The following ABCD3 variants were observed in gnomAD, a reference collection of about 807,000 sequenced individuals.
ABCD3 encodes the protein ATP-binding cassette sub-family D member 3.
ABCD3 carries 41 observed loss-of-function variants against 105.5 expected under a neutral mutation model. The observed-to-expected ratio is 0.39, with a 90% CI of 0.30 to 0.50. The LOEUF (loss-of-function observed/expected upper bound fraction) is 0.50. Ranked by LOEUF, ABCD3 falls within the 20% of genes least tolerant of loss-of-function variation. The pLI is 0.84. For synonymous variants in ABCD3, 258 were observed against 269.0 expected, an observed-to-expected ratio of 0.96 and a Z score of 0.40; for missense variants, 622 against 806.3, an observed-to-expected ratio of 0.77 and a Z score of 2.77.
At chr1:94,396,472 A>G in the ABCD3 span, among the ~76,000 whole-genome samples, 2 of 152,172 alleles carry the variant, frequency 1.3e-5, no homozygotes, top group Non-Finnish European at 2.9e-5. Context: ...CTCGTTTTCT[A>G]GAATCCCCCT....
At chr1:94,464,746 C>A (rs1166772720) in intron 2 of ABCD3, 29 bp from the exon 3 acceptor site, 2 of 1,573,388 alleles carry the variant, frequency 1.3e-6, no homozygotes, top group Non-Finnish European at 1.7e-6. Flanking sequence ...TTATAGCTAT[C>A]TTAAAAGGGC....
intron 13 of ABCD3, among the ~76,000 whole-genome samples, chr1:94,488,184 G>A (rs1178587424): frequency 1.3e-5 from 2 of 152,142 alleles, no homozygotes; most frequent in Non-Finnish European, 2.9e-5. Context: ...CAGTACAGTA[G>A]ATTAGAGGCT....
chr1:94,434,709 AC>A (rs1450899808), intron 1 of ABCD3, among the ~76,000 whole-genome samples: 2 of 152,238 alleles, frequency 1.3e-5, no homozygotes, highest in Non-Finnish European at 2.9e-5. Context: ...AGATTATACC[AC>A]AGACAGAAAA....
chr1:94,478,480 AT>A, intron 8 of ABCD3, 165 bp downstream of exon 8: 1 of 1,350,404 alleles, frequency 7.4e-7, no homozygotes. Context: ...TTCATTCGAG[AT>A]TTTAGAAGTA....
intron 21 of ABCD3, 194 bp from the exon 22 acceptor site, chr1:94,514,952 T>G: frequency 3.7e-5 from 20 of 543,410 alleles, no homozygotes; most frequent in Non-Finnish European, 9.8e-6. Flanking sequence ...ACCTGGTAGT[T>G]TTTATTATGT....
intron 20 of ABCD3, among the ~76,000 whole-genome samples, chr1:94,502,240 T>C (rs1190912244): frequency 6.6e-6 from 1 of 151,588 alleles, no homozygotes; most frequent in Non-Finnish European, 1.5e-5. Context: ...ATTTTTATCC[T>C]TCTCTCATTT....
chr1:94,414,387 C>A (rs533027581), upstream of ABCD3, among the ~76,000 whole-genome samples: 1 of 152,178 alleles, frequency 6.6e-6, no homozygotes, highest in South Asian at 2.1e-4. Flanking sequence ...TTATGTGAAT[C>A]CACAAAGTCA....
intron 1 of ABCD3, among the ~76,000 whole-genome samples, chr1:94,448,198 G>A (rs1660431364): frequency 6.6e-6 from 1 of 152,104 alleles, no homozygotes; most frequent in Non-Finnish European, 1.5e-5. Flanking sequence ...TTGCTACTAT[G>A]ATAGGAAACG....
rs1329045331 is a variant in ABCD3 at position 94,512,265 on chromosome 1, T to TC, written c.1846-2879dup. The stretch of plus-strand genomic sequence containing the variant: ...TTCTTTCCTCCCTTTTTCCTTTTTT[T>TC]CCTTCCTAAATGATATAGAAATTTT... On this transcript the variant is annotated intron_variant, in intron 21 of 22. Transcript: ENST00000370214. Among the ~76,000 whole-genome samples, 3 of 152,018 alleles carry TC rather than the reference T, an allele frequency of 2.0e-5. No homozygotes were observed. In the East Asian group the frequency reaches 5.8e-4, roughly 29 times the overall value.
the ABCD3 span, among the ~76,000 whole-genome samples, chr1:94,397,494 G>A: frequency 1.3e-5 from 2 of 152,182 alleles, no homozygotes; most frequent in African/African-American, 4.8e-5. Context: ...TTGAGTCTAT[G>A]TGATGTTTCT....
intron 16 of ABCD3, among the ~76,000 whole-genome samples, chr1:94,493,703 A>T (rs1213520088): frequency 2.0e-5 from 3 of 152,168 alleles, no homozygotes; most frequent in Non-Finnish European, 4.4e-5. Context: ...CAAATGTCCA[A>T]CAATGATAGA....
intron 21 of ABCD3, among the ~76,000 whole-genome samples, chr1:94,509,597 G>A (rs1469779097): frequency 7.9e-5 from 12 of 152,078 alleles, no homozygotes; most frequent in South Asian, 4.2e-4. Context: ...GGTAGAATTC[G>A]GCTGTGACTC....
chr1:94,385,497 C>A, the ABCD3 span, among the ~76,000 whole-genome samples: 1 of 152,200 alleles, frequency 6.6e-6, no homozygotes, highest in Non-Finnish European at 1.5e-5. Flanking sequence ...CATGCTGTTG[C>A]ACAGAGCACT....
chr1:94,466,560 AC>A (rs1277941632), intron 3 of ABCD3, among the ~76,000 whole-genome samples: 6 of 152,216 alleles, frequency 3.9e-5, no homozygotes, highest in African/African-American at 1.4e-4. Flanking sequence ...TCATTTGTTT[AC>A]AACATCATGT....
intron 10 of ABCD3, among the ~76,000 whole-genome samples, 161 bp from the exon 11 acceptor site, chr1:94,487,381 C>T (rs552815846): frequency 8.5e-5 from 13 of 152,126 alleles, no homozygotes; most frequent in African/African-American, 2.4e-4. Context: ...GCATTGTCCT[C>T]GGTGGTGTGA....
chr1:94,413,442 T>C (rs77217214), upstream of ABCD3, among the ~76,000 whole-genome samples: 1,419 of 152,040 alleles, frequency 9.3e-3, 26 homozygotes, highest in African/African-American at 0.033. Context: ...GAAAAGGGAG[T>C]ACATTCCTCT....
chr1:94,405,522 T>G, the ABCD3 span, among the ~76,000 whole-genome samples: 1 of 152,170 alleles, frequency 6.6e-6, no homozygotes, highest in South Asian at 2.1e-4. Flanking sequence ...CAGGCTGGTC[T>G]TGAACTCCCC....
chr1:94,470,253 G>A (rs993380953), intron 4 of ABCD3, among the ~76,000 whole-genome samples: 9 of 152,244 alleles, frequency 5.9e-5, no homozygotes, highest in African/African-American at 1.7e-4. Context: ...CTTTTCTTCA[G>A]AATTTTGAGA....
At chr1:94,420,856 T>G (rs904488758) in intron 1 of ABCD3, among the ~76,000 whole-genome samples, 1 of 152,188 alleles carries the variant, frequency 6.6e-6, no homozygotes, top group African/African-American at 2.4e-5. Flanking sequence ...CTGTGGCTAC[T>G]TGGCCTTCTT....
Sources: gnomAD v4.1 joint callset for allele counts (sites outside exome capture counted in the v4.1 genomes callset) on GRCh38, gnomAD v4.1.1 for gene constraint, MANE v1.5 for transcripts, NCBI Gene and HGNC (gene_info 2026-07-23, HGNC 2026-07-21) for gene names.